The following RB1CC1 variants were observed in gnomAD, a reference collection of about 807,000 sequenced individuals.
The protein encoded by RB1CC1 is RB1-inducible coiled-coil protein 1.
In RB1CC1, 46 loss-of-function variants were observed where a neutral mutation model predicts 177.5. The observed-to-expected ratio is 0.26, with a 90% CI of 0.20 to 0.33. The LOEUF (loss-of-function observed/expected upper bound fraction) is 0.33, where lower values mean the gene tolerates loss of function less well. Ranked by LOEUF, RB1CC1 falls within the 10% of genes least tolerant of loss-of-function variation. The probability of loss-of-function intolerance (pLI) is 1.00; values close to 1 mark genes in which losing one functional copy is unlikely to be tolerated. For missense variants in RB1CC1, 1,703 were observed against 1,816.3 expected (o/e 0.94, Z 1.13); for synonymous variants, 666 against 613.6 (o/e 1.09, Z -1.26).
At chr8:52,652,161 GTTT>G in intron 15 of RB1CC1, among the ~76,000 whole-genome samples, 2 of 152,166 alleles carry the variant, frequency 1.3e-5, no homozygotes, top group Admixed American at 1.3e-4. Flanking sequence ...ATTTCAGAAA[GTTT>G]TTATTAAAAA....
At chr8:52,691,910 T>G (rs1427621922) in intron 1 of RB1CC1, among the ~76,000 whole-genome samples, 2 of 152,218 alleles carry the variant, frequency 1.3e-5, no homozygotes, top group African/African-American at 4.8e-5. Flanking sequence ...GCACATAAAA[T>G]CATAATCATA....
chr8:52,709,058 T>C (rs988377762), intron 1 of RB1CC1, among the ~76,000 whole-genome samples: 1 of 151,856 alleles, frequency 6.6e-6, no homozygotes, highest in Non-Finnish European at 1.5e-5. Context: ...AAACACAAAA[T>C]TATCTGAGTG....
chr8:52,659,325 A>G (rs1341544997), intron 12 of RB1CC1, among the ~76,000 whole-genome samples: 1 of 152,118 alleles, frequency 6.6e-6, no homozygotes, highest in Non-Finnish European at 1.5e-5. Context: ...TATATATAAT[A>G]TTTACCATGT....
At position 52,636,207 on chromosome 8, in the gene RB1CC1, G is replaced by A. The variant is rs1849131204; in HGVS notation, c.4338-138C>T. ...AAATTTTCAAAAGTAGCTTATTTCAGTTAGCATGTAATTTCAATGTTGTAT... is the reference window on the plus strand; with the variant it reads ...AAATTTTCAAAAGTAGCTTATTTCAATTAGCATGTAATTTCAATGTTGTAT... On this transcript the variant is annotated intron_variant, in intron 18 of 23. Transcript: ENST00000025008. The A allele has an allele frequency of 3.1e-5, 29 of 922,078 alleles. 1 individual carries two copies. In the South Asian group the frequency reaches 5.7e-4, roughly 18 times the overall value. 57.1% of individuals were successfully genotyped at this position (922,078 alleles called of 1,614,324 possible). A position where few individuals can be genotyped will look rare whatever the true frequency, so the allele number is the denominator to read the frequency against.
intron 6 of RB1CC1, among the ~76,000 whole-genome samples, chr8:52,675,724 A>C (rs1369443801): frequency 3.4e-4 from 51 of 149,432 alleles, no homozygotes; most frequent in South Asian, 6.3e-4. Context: ...CAAAAAAAAA[A>C]AAAAAAAAAA....
chr8:52,665,446 T>C (rs1851984536), intron 8 of RB1CC1, among the ~76,000 whole-genome samples: 1 of 152,174 alleles, frequency 6.6e-6, no homozygotes, highest in Admixed American at 6.5e-5. Context: ...AATCCCATTA[T>C]TGAAGATTGT....
At chr8:52,649,614 C>A (rs1276532135) in intron 15 of RB1CC1, among the ~76,000 whole-genome samples, 1 of 152,110 alleles carries the variant, frequency 6.6e-6, no homozygotes, top group Non-Finnish European at 1.5e-5. Context: ...CCAGCCTGGG[C>A]AACAGAGTGA....
At chr8:52,641,112 G>A (rs970923843) in intron 18 of RB1CC1, among the ~76,000 whole-genome samples, 2 of 152,094 alleles carry the variant, frequency 1.3e-5, no homozygotes, top group Non-Finnish European at 2.9e-5. Context: ...GGCCGGGCGC[G>A]ATGACTCACA....
In RB1CC1 at chr8:52,623,666, T is replaced by C. The variant is rs768264130; in HGVS notation, c.*116A>G. 2 of 733,298 alleles carry C rather than the reference T, an allele frequency of 2.7e-6. No homozygotes were observed. The highest frequency in any genetic ancestry group is 4.9e-6 in the Non-Finnish European group (2 of 404,456). 45.4% of individuals were successfully genotyped at this position (733,298 alleles called of 1,614,324 possible). ...GTAAACGATGTACACCAGTGAAGTA[T>C]ATTGTCACGCTGACTTTTGCATAAA... is the stretch of plus-strand genomic sequence containing the variant. On this transcript the variant is annotated 3_prime_UTR_variant, in exon 24 of 24. Transcript: ENST00000025008.
intron 12 of RB1CC1, 98 bp from the exon 13 acceptor site, chr8:52,659,074 A>G: frequency 1.8e-6 from 1 of 559,856 alleles, no homozygotes; most frequent in Non-Finnish European, 3.0e-6. Flanking sequence ...TTACTATACC[A>G]AACAAACTAA....
At chr8:52,711,072 T>C (rs532041939) in intron 1 of RB1CC1, among the ~76,000 whole-genome samples, 5 of 151,702 alleles carry the variant, frequency 3.3e-5, no homozygotes, top group Non-Finnish European at 7.4e-5. Context: ...AATATGAGAG[T>C]TCAAAAGAGC....
In RB1CC1 at chr8:52,683,990, A is replaced by G; in HGVS notation, c.95T>C (p.Ile32Thr). 1 of 1,613,796 alleles carries G rather than the reference A, an allele frequency of 6.2e-7. No individual in the cohort carries two copies. Among genetic ancestry groups the G allele is most frequent in the Non-Finnish European group, 8.5e-7 (1 of 1,179,948 alleles). The change falls in exon 4 of 24, where the codon ATT becomes ACT. Residue 32 changes from isoleucine (I) to threonine (T), a missense_variant. This residue lies in a region of RB1CC1 where 118 missense variants were observed against 121.2 expected (regional missense o/e 0.97). Transcript: ENST00000025008. ...AATAGCAATCTTGTATTTGCTTTGA[A>G]TGGCATGCTTAAGGTCTGCCACACT... ...VQTVADLKHA[I>T]QSKYKIAIQH...
At chr8:52,634,703 C>T (rs1220311652) in intron 20 of RB1CC1, among the ~76,000 whole-genome samples, 7 of 152,090 alleles carry the variant, frequency 4.6e-5, no homozygotes, top group Non-Finnish European at 8.8e-5. Context: ...TTTAATTTCA[C>T]GCTAAGGAAA....
intron 8 of RB1CC1, among the ~76,000 whole-genome samples, chr8:52,665,866 C>G (rs1031651306): frequency 6.6e-6 from 1 of 152,154 alleles, no homozygotes; most frequent in Non-Finnish European, 1.5e-5. Flanking sequence ...GTCAGCAGTC[C>G]TGACTTCCCT....
chr8:52,685,054 G>A (rs944291750), intron 3 of RB1CC1, among the ~76,000 whole-genome samples: 1 of 148,136 alleles, frequency 6.8e-6, no homozygotes, highest in South Asian at 2.1e-4. Context: ...CTGGGCTGGA[G>A]TGCAGTGGTG....
intron 8 of RB1CC1, among the ~76,000 whole-genome samples, chr8:52,664,967 TGA>T (rs1011273993): frequency 3.3e-5 from 5 of 152,088 alleles, no homozygotes; most frequent in Non-Finnish European, 5.9e-5. Context: ...TTTAATATAC[TGA>T]GAGATTAAGG....
intron 8 of RB1CC1, among the ~76,000 whole-genome samples, chr8:52,664,786 GAA>G (rs1435073575): frequency 1.3e-5 from 2 of 152,082 alleles, no homozygotes; most frequent in East Asian, 3.9e-4. Flanking sequence ...CATACTCCCA[GAA>G]AAAGACTTTT....
chr8:52,663,277 C>A (rs1025162629), intron 8 of RB1CC1, among the ~76,000 whole-genome samples: 1 of 151,966 alleles, frequency 6.6e-6, no homozygotes, highest in Admixed American at 6.6e-5. Context: ...TGCTGATAAC[C>A]CTCAAGGATA....
At chr8:52,667,722 G>T (rs1852195054) in intron 8 of RB1CC1, among the ~76,000 whole-genome samples, 1 of 152,066 alleles carries the variant, frequency 6.6e-6, no homozygotes, top group South Asian at 2.1e-4. Context: ...TCCTATGGGG[G>T]GTAGTAGGAA....
Sources: gnomAD v4.1 joint callset for allele counts (sites outside exome capture counted in the v4.1 genomes callset) on GRCh38, gnomAD v4.1.1 for gene constraint, gnomAD v4.1.1 regional missense constraint, MANE v1.5 for transcripts, NCBI Gene and HGNC (gene_info 2026-07-23, HGNC 2026-07-21) for gene names.